SPEF2: variants seen among roughly 807,000 people sequenced by gnomAD.
SPEF2 encodes sperm flagella and cilia-associated protein 2.
In SPEF2, 187 loss-of-function variants were observed where a neutral mutation model predicts 224.6. The observed-to-expected ratio is 0.83, with a 90% CI of 0.74 to 0.94. The LOEUF is 0.94. SPEF2 is among the 40% of genes least tolerant of loss of function. The probability of loss-of-function intolerance (pLI) is 0.00; values close to 1 mark genes in which losing one functional copy is unlikely to be tolerated. For synonymous variants in SPEF2, 715 were observed against 707.3 expected, an observed-to-expected ratio of 1.01 and a Z score of -0.17; for missense variants, 2,170 against 2,135.6, an observed-to-expected ratio of 1.02 and a Z score of -0.32.
At chr5:35,738,896 C>T (rs1473448842) in intron 21 of SPEF2, among the ~76,000 whole-genome samples, 1 of 152,040 alleles carries the variant, frequency 6.6e-6, no homozygotes, top group African/African-American at 2.4e-5. Context: ...ACATTGTGCC[C>T]ATAAACTTTT....
chr5:35,679,256 G>T (rs1752445145), intron 10 of SPEF2, among the ~76,000 whole-genome samples: 1 of 152,186 alleles, frequency 6.6e-6, no homozygotes, highest in African/African-American at 2.4e-5. Context: ...GAGATACAGT[G>T]CCAGGGGTTT....
chr5:35,619,088 C>G (rs889265593), intron 1 of SPEF2, among the ~76,000 whole-genome samples: 2 of 152,186 alleles, frequency 1.3e-5, no homozygotes, highest in African/African-American at 4.8e-5. Flanking sequence ...CACGGAGCAT[C>G]TCCTGTTGCA....
intron 26 of SPEF2, among the ~76,000 whole-genome samples, chr5:35,766,983 T>G (rs538740034): frequency 7.5e-4 from 114 of 152,046 alleles, no homozygotes; most frequent in African/African-American, 2.7e-3. Flanking sequence ...GTGTTACATG[T>G]GTACTTGAAA....
At chr5:35,713,475 C>T (rs893026724) in intron 20 of SPEF2, among the ~76,000 whole-genome samples, 1 of 151,798 alleles carries the variant, frequency 6.6e-6, no homozygotes, top group Non-Finnish European at 1.5e-5. Flanking sequence ...GTGGCTCATG[C>T]CTGTAATCCC....
intron 10 of SPEF2, among the ~76,000 whole-genome samples, chr5:35,686,040 T>C (rs1753565490): frequency 6.6e-6 from 1 of 152,060 alleles, no homozygotes; most frequent in Non-Finnish European, 1.5e-5. Context: ...AAATGGGCAT[T>C]GCTTATGTTT....
intron 23 of SPEF2, among the ~76,000 whole-genome samples, chr5:35,745,064 T>A (rs1748267075): frequency 6.6e-6 from 1 of 152,198 alleles, no homozygotes; most frequent in Non-Finnish European, 1.5e-5. Context: ...TTCTAACTGA[T>A]ATATTCTAAC....
chr5:35,775,535 T>A (rs983718288), intron 28 of SPEF2, among the ~76,000 whole-genome samples: 1 of 152,068 alleles, frequency 6.6e-6, no homozygotes, highest in African/African-American at 2.4e-5. Flanking sequence ...GAGGGTTATC[T>A]AGGCACTGCC....
chr5:35,621,470 A>G (rs1288299959), intron 1 of SPEF2, among the ~76,000 whole-genome samples: 1 of 152,194 alleles, frequency 6.6e-6, no homozygotes, highest in Non-Finnish European at 1.5e-5. Context: ...TTTAGGTCCT[A>G]TATTGTACAT....
chr5:35,790,106 C>G, intron 30 of SPEF2: 1 of 702,882 alleles, frequency 1.4e-6, no homozygotes. Context: ...TGACACTAGT[C>G]GACCTAGTGT....
intron 2 of SPEF2, 137 bp downstream of exon 2, chr5:35,628,699 C>T (rs530632334): frequency 1.7e-6 from 1 of 590,464 alleles, no homozygotes; most frequent in Admixed American, 3.4e-5. Context: ...TAAAGCAATC[C>T]TCTTGCCTCG....
intron 10 of SPEF2, among the ~76,000 whole-genome samples, chr5:35,679,678 C>G (rs1340424681): frequency 1.3e-5 from 2 of 152,188 alleles, no homozygotes; most frequent in East Asian, 1.9e-4. Flanking sequence ...TGTACGTACC[C>G]ATTGACATGG....
At chr5:35,733,305 G>A (rs979747149) in intron 21 of SPEF2, among the ~76,000 whole-genome samples, 4 of 151,960 alleles carry the variant, frequency 2.6e-5, no homozygotes, top group Non-Finnish European at 5.9e-5. Flanking sequence ...TAGTAGAGAT[G>A]GGGTTTTACC....
chr5:35,733,856 T>A (rs1224058151), intron 21 of SPEF2, among the ~76,000 whole-genome samples: 1 of 152,168 alleles, frequency 6.6e-6, no homozygotes, highest in Non-Finnish European at 1.5e-5. Context: ...AGCAGCTACA[T>A]GACCTTGTAC....
chr5:35,689,190 A>T (rs1036445428), intron 10 of SPEF2, among the ~76,000 whole-genome samples: 1 of 152,080 alleles, frequency 6.6e-6, no homozygotes, highest in African/African-American at 2.4e-5. Flanking sequence ...CATGGCTTTT[A>T]TCTTTTCAAA....
rs1184483255 is a variant in SPEF2, at chr5:35,700,665, A to G, written c.2311A>G (p.Ile771Val). Residue 771 changes from isoleucine to valine, a missense_variant, in exon 16 of 37, where the codon ATA (isoleucine) becomes GTA (valine). Physicochemically the swap from Ile to Val is conservative, Grantham distance 29. Transcript: ENST00000356031. ...TATTGATCCTGCGACTTCCAAAGAA[A>G]TACCTCTTCCCTCTCCTGCATTTGA... ...LAIDPATSKE[I>V]PLPSPAFDFV... 1 of 1,614,052 alleles carries G rather than the reference A, an allele frequency of 6.2e-7. No homozygotes were observed. The highest frequency in any genetic ancestry group is 8.5e-7 in the Non-Finnish European group (1 of 1,179,962).
chr5:35,683,449 A>T (rs1052590838), intron 10 of SPEF2, among the ~76,000 whole-genome samples: 3 of 152,076 alleles, frequency 2.0e-5, no homozygotes, highest in Non-Finnish European at 4.4e-5. Context: ...ACATGGTGAA[A>T]CCCTGTCTCT....
At chr5:35,628,998 C>T (rs1744676528) in intron 2 of SPEF2, among the ~76,000 whole-genome samples, 1 of 151,984 alleles carries the variant, frequency 6.6e-6, no homozygotes, top group Admixed American at 6.6e-5. Context: ...CCCAAGCAGA[C>T]CATTGATATG....
Position 35,769,779 on chromosome 5 carries a change from AC to A in SPEF2, c.3802-1827del, listed in dbSNP as rs553729948. On this transcript the variant is annotated intron_variant, in intron 26 of 36. Transcript: ENST00000356031. ...AGGCGGGAACTGGCTGGTCTATCTC[AC>A]CCACAAAACTGTAATAGTCTTTGAG... Among the ~76,000 whole-genome samples, 17 of 152,142 alleles carry A rather than the reference AC, an allele frequency of 1.1e-4. No individual in the cohort carries two copies. In the South Asian group the frequency reaches 3.5e-3, roughly 32 times the overall value.
intron 21 of SPEF2, among the ~76,000 whole-genome samples, chr5:35,735,261 A>G (rs531475220): frequency 6.6e-6 from 1 of 152,322 alleles, no homozygotes; most frequent in South Asian, 2.1e-4. Context: ...AAAGTAAGAC[A>G]CATAAGTAAT....
Sources: allele counts gnomAD v4.1 joint callset (sites outside exome capture counted in the v4.1 genomes callset), GRCh38; gene constraint gnomAD v4.1.1; transcripts MANE v1.5; gene names NCBI Gene and HGNC (gene_info 2026-07-23, HGNC 2026-07-21).